The following SLC37A3 variants were observed in gnomAD, a reference collection of about 807,000 sequenced individuals.
The protein encoded by SLC37A3 is solute carrier family 37 member 3.
In SLC37A3, 51 loss-of-function variants were observed where a neutral mutation model predicts 67.1. The observed-to-expected ratio is 0.76, with a 90% CI of 0.61 to 0.96. SLC37A3 has a LOEUF of 0.96. SLC37A3 is among the 40% of genes least tolerant of loss of function. The pLI is 0.00. For synonymous variants in SLC37A3, 214 were observed against 231.4 expected, an observed-to-expected ratio of 0.92 and a Z score of 0.68; for missense variants, 508 against 603.0, an observed-to-expected ratio of 0.84 and a Z score of 1.65.
chr7:140,374,377 A>C (rs1459249733), intron 3 of SLC37A3, among the ~76,000 whole-genome samples: 1 of 152,010 alleles, frequency 6.6e-6, no homozygotes, highest in Admixed American at 6.6e-5. Context: ...ATGTGCCTGT[A>C]GTGCCACTAC....
chr7:140,341,392 T>G (rs1344459302), intron 13 of SLC37A3, among the ~76,000 whole-genome samples: 1 of 152,070 alleles, frequency 6.6e-6, no homozygotes, highest in African/African-American at 2.4e-5. Flanking sequence ...GTGCATCACC[T>G]TTACACCGTG....
intron 1 of SLC37A3, among the ~76,000 whole-genome samples, chr7:140,389,204 A>C (rs1798628886): frequency 6.6e-6 from 1 of 152,160 alleles, no homozygotes; most frequent in Non-Finnish European, 1.5e-5. Flanking sequence ...ACAAGATTAG[A>C]AATTACAATT....
chr7:140,356,376 A>G (rs1797029461), intron 6 of SLC37A3, among the ~76,000 whole-genome samples: 1 of 152,120 alleles, frequency 6.6e-6, no homozygotes, highest in African/African-American at 2.4e-5. Flanking sequence ...AAATATACAA[A>G]GAAGCACACG....
rs1796087184 is a variant in SLC37A3 at position 140,335,289 on chromosome 7, TGA to T, written c.*121_*122del. 1 of 1,614,134 alleles carries T rather than the reference TGA, an allele frequency of 6.2e-7. No homozygotes were observed. The highest frequency in any genetic ancestry group is 8.5e-7 in the Non-Finnish European group (1 of 1,180,020). Reference sequence around the variant, plus strand: ...CAGCATCTCAGGTGGCTGGCAGTGTTGAGAGACGCCTGACAATCCAAGATCAG... The same window carrying T: ...CAGCATCTCAGGTGGCTGGCAGTGTTGAGACGCCTGACAATCCAAGATCAG... On this transcript the variant is annotated 3_prime_UTR_variant, in exon 15 of 15. Transcript: ENST00000326232.
rs1229373152 is a variant in SLC37A3, at chr7:140,357,537, T to G, written c.521+1103A>C. Among the ~76,000 whole-genome samples the G allele has an allele frequency of 2.7e-5, 4 of 146,086 alleles. No homozygotes were observed. In the Admixed American group the frequency reaches 2.8e-4, roughly 10 times the overall value. On this transcript the variant is annotated intron_variant, in intron 6 of 14. Transcript: ENST00000326232. ...TGAGGCCATGAAATTGAGACCAGCC[T>G]GGGCAACACAGACCCTTTCTCTACA...
Position 140,364,492 on chromosome 7 carries a change from C to T in SLC37A3, c.292-1G>A. On this transcript the variant is annotated splice_acceptor_variant, in intron 4 of 14. Coordinates refer to ENST00000326232, the MANE Select transcript of SLC37A3 (RefSeq NM_207113.3). LOFTEE classifies it high-confidence loss of function. ...CAACGATGCCACTGATGAATAGGCC[C>T]TAAAAATAAAGCATTTTCTTTTACA... 1.2e-6 allele frequency: 2 copies of T among 1,613,256 alleles called. No individual in the cohort carries two copies. Among genetic ancestry groups the T allele is most frequent in the Non-Finnish European group, 1.7e-6 (2 of 1,179,680 alleles).
chr7:140,357,794 G>A (rs1797093503), intron 6 of SLC37A3, among the ~76,000 whole-genome samples: 1 of 151,924 alleles, frequency 6.6e-6, no homozygotes, highest in Admixed American at 6.6e-5. Context: ...GCACATGCCT[G>A]TAATCCCAGC....
chr7:140,386,576 A>C (rs1271503097), intron 1 of SLC37A3, among the ~76,000 whole-genome samples: 1 of 152,102 alleles, frequency 6.6e-6, no homozygotes, highest in Non-Finnish European at 1.5e-5. Context: ...GTCTGAGTCC[A>C]TCAAGCACAT....
intron 13 of SLC37A3, among the ~76,000 whole-genome samples, chr7:140,342,677 CAA>C (rs11300566): frequency 0.052 from 7,652 of 146,588 alleles, 209 homozygotes; most frequent in Non-Finnish European, 0.073. Flanking sequence ...TGAATTTATG[CAA>C]AAAAAAAAAA....
intron 1 of SLC37A3, among the ~76,000 whole-genome samples, chr7:140,388,810 TA>T (rs916391134): frequency 5.3e-4 from 77 of 145,878 alleles, no homozygotes; most frequent in Non-Finnish European, 4.6e-4. Context: ...ACTCCATCTT[TA>T]AAAAAAAAAA....
In SLC37A3 at chr7:140,343,571, C is replaced by T. The variant is rs779814743; in HGVS notation, c.1175-8G>A. 1 of 1,613,322 alleles carries T rather than the reference C, an allele frequency of 6.2e-7. No homozygotes were observed. On this transcript the variant is annotated splice_polypyrimidine_tract_variant and splice_region_variant and intron_variant, in intron 12 of 14. Transcript: ENST00000326232. The stretch of plus-strand genomic sequence containing the variant: ...GTCCACCAATAAAAAATCCTGAAGT[C>T]ATAAACAGGTTCTTATTAAAACACA...
At chr7:140,375,174 CA>C (rs71170987) in intron 3 of SLC37A3, among the ~76,000 whole-genome samples, 22,227 of 141,488 alleles carry the variant, frequency 0.16, 2,286 homozygotes, top group African/African-American at 0.28. Context: ...CAAAAAACAA[CA>C]AAAAAAAAAC....
intron 2 of SLC37A3, 38 bp downstream of exon 2, chr7:140,382,399 AG>A (rs758232491): frequency 6.3e-7 from 1 of 1,582,720 alleles, no homozygotes; most frequent in Non-Finnish European, 8.7e-7. Context: ...AAAAGAAAAA[AG>A]AAAAAAAGCA....
In SLC37A3 at chr7:140,382,538, C is replaced by T; in HGVS notation, c.-12G>A. The T allele has an allele frequency of 6.2e-7, 1 of 1,613,082 alleles. No homozygotes were observed. Among genetic ancestry groups the T allele is most frequent in the Non-Finnish European group, 8.5e-7 (1 of 1,179,214 alleles). On this transcript the variant is annotated 5_prime_UTR_variant, in exon 2 of 15. Coordinates refer to ENST00000326232, the MANE Select transcript of SLC37A3 (RefSeq NM_207113.3). ...TTTGGCCAGGCCATGTTCTTCCTGA[C>T]CTTCCTTCTCACCTTTGACCTTAAG...
At chr7:140,376,625 G>A (rs1798041747) in intron 3 of SLC37A3, among the ~76,000 whole-genome samples, 2 of 152,218 alleles carry the variant, frequency 1.3e-5, no homozygotes, top group Non-Finnish European at 2.9e-5. Flanking sequence ...GGGGGCAGGG[G>A]AGGCTCACAG....
At chr7:140,370,305 G>C (rs1797772721) in intron 3 of SLC37A3, 1 of 152,166 alleles carries the variant, frequency 6.6e-6, no homozygotes, top group South Asian at 2.1e-4. Flanking sequence ...ATGCTCAAAT[G>C]CTAGTGACGA....
intron 1 of SLC37A3, among the ~76,000 whole-genome samples, chr7:140,387,989 G>A (rs376023346): frequency 1.4e-4 from 20 of 142,236 alleles, no homozygotes; most frequent in African/African-American, 4.7e-4. Flanking sequence ...GTGAGGGCCT[G>A]TCTCAAAAAA....
intron 10 of SLC37A3, among the ~76,000 whole-genome samples, chr7:140,347,987 T>C (rs1231163090): frequency 6.6e-6 from 1 of 152,162 alleles, no homozygotes; most frequent in East Asian, 1.9e-4. Flanking sequence ...TATACATACA[T>C]ACCCACGATC....
chr7:140,396,902 T>G (rs528750591), intron 1 of SLC37A3, among the ~76,000 whole-genome samples: 6,070 of 149,682 alleles, frequency 0.041, 173 homozygotes, highest in South Asian at 0.13. Context: ...TTGTTTTTTT[T>G]TTTTTGACAG....
Sources: gnomAD v4.1 joint callset for allele counts (sites outside exome capture counted in the v4.1 genomes callset) on GRCh38, gnomAD v4.1.1 for gene constraint, MANE v1.5 for transcripts, NCBI Gene and HGNC (gene_info 2026-07-23, HGNC 2026-07-21) for gene names.